IMPA1: variants seen among roughly 807,000 people sequenced by gnomAD.
The protein encoded by IMPA1 is inositol monophosphatase 1.
A neutral mutation model predicts 34.9 loss-of-function variants in IMPA1; 21 were observed. That is an observed-to-expected ratio of 0.60 (90% CI 0.43 to 0.87). IMPA1 has a LOEUF of 0.87. IMPA1 is among the 40% of genes least tolerant of loss of function. IMPA1 has a pLI of 0.00. For missense variants in IMPA1, 299 were observed against 336.4 expected, an observed-to-expected ratio of 0.89 and a Z score of 0.87; for synonymous variants, 95 against 104.4, an observed-to-expected ratio of 0.91 and a Z score of 0.55.
chr8:81,680,174 C>T (rs1391565111), intron 3 of IMPA1, among the ~76,000 whole-genome samples: 1 of 151,962 alleles, frequency 6.6e-6, no homozygotes, highest in Non-Finnish European at 1.5e-5. Context: ...TACTCTCCGT[C>T]CTTCAAGAGG....
chr8:81,673,499 C>G (rs575930856), intron 6 of IMPA1, among the ~76,000 whole-genome samples: 1 of 152,294 alleles, frequency 6.6e-6, no homozygotes, highest in Admixed American at 6.5e-5. Flanking sequence ...TCGTCAGGAC[C>G]TCCTGAGGCT....
intron 7 of IMPA1, among the ~76,000 whole-genome samples, chr8:81,662,989 G>A (rs905833031): frequency 3.9e-5 from 6 of 152,188 alleles, no homozygotes; most frequent in African/African-American, 1.4e-4. Context: ...ACTCTCTTTA[G>A]TTTCATTGTT....
At position 81,658,140 on chromosome 8, in the gene IMPA1, A is replaced by G. The variant is rs1248279632; in HGVS notation, c.*1211T>C. On this transcript the variant is annotated 3_prime_UTR_variant, in exon 9 of 9. Transcript: ENST00000256108. ...ATACACAATAATAAAATCACTCCCT[A>G]CCTTGAAAACTTTACAGAAGCATTT... is the stretch of plus-strand genomic sequence containing the variant. The G allele has an allele frequency of 6.6e-6, 1 of 152,128 alleles. No homozygotes were observed. The highest frequency in any genetic ancestry group is 1.5e-5 in the Non-Finnish European group (1 of 68,020). The allele number at this position is 152,128 out of a possible 1,614,324, so 9.4% of individuals were successfully genotyped here. A position where few individuals can be genotyped will look rare whatever the true frequency, so the allele number is the denominator to read the frequency against.
intron 4 of IMPA1, 78 bp from the exon 5 acceptor site, chr8:81,676,357 T>G (rs2130301339): frequency 1.5e-6 from 1 of 665,752 alleles, no homozygotes; most frequent in East Asian, 3.2e-5. Context: ...TTTCATAATA[T>G]AAGTGTTCTT....
At chr8:81,674,987 C>G (rs1466678326) in intron 5 of IMPA1, among the ~76,000 whole-genome samples, 2 of 152,204 alleles carry the variant, frequency 1.3e-5, no homozygotes, top group African/African-American at 2.4e-5. Flanking sequence ...CACCCACACC[C>G]CAGTATAATC....
intron 1 of IMPA1, among the ~76,000 whole-genome samples, chr8:81,685,198 T>C (rs993798030): frequency 6.6e-5 from 9 of 135,650 alleles, no homozygotes; most frequent in Admixed American, 3.1e-4. Context: ...TACATAAGTA[T>C]ATTTAGATAC....
intron 1 of IMPA1, chr8:81,685,939 T>TG: frequency 6.5e-7 from 1 of 1,527,812 alleles, no homozygotes; most frequent in Non-Finnish European, 8.8e-7. Context: ...TACCTGGGCC[T>TG]GGGGATGCAC....
chr8:81,667,186 T>C (rs1443840897), intron 7 of IMPA1, among the ~76,000 whole-genome samples: 5 of 152,014 alleles, frequency 3.3e-5, no homozygotes, highest in African/African-American at 1.2e-4. Context: ...ACCCTGGAAA[T>C]AGGGAATTAT....
chr8:81,661,703 TA>T (rs766497852), intron 7 of IMPA1, among the ~76,000 whole-genome samples: 43 of 152,264 alleles, frequency 2.8e-4, no homozygotes, highest in Non-Finnish European at 3.8e-4. Flanking sequence ...AAAATTTGAA[TA>T]AAGTCTTATA....
chr8:81,685,507 G>C lies in IMPA1; in HGVS notation c.-25+745C>G, dbSNP rs377100728. Among the ~76,000 whole-genome samples, 12 of 142,098 alleles carry C rather than the reference G, an allele frequency of 8.4e-5. No individual in the cohort carries two copies. In the South Asian group the frequency reaches 8.7e-4, roughly 10 times the overall value. The allele number at this position is 142,098 out of a possible 152,430, so 93.2% of individuals were successfully genotyped here. On this transcript the variant is annotated intron_variant, in intron 1 of 8. Transcript: ENST00000256108. ...CTGTACTATATATAAGTATATATAC[G>C]TAAGTATATTTCTGTACTATATATA...
At position 81,658,423 on chromosome 8, in the gene IMPA1, T is replaced by G. The variant is rs990829857; in HGVS notation, c.*928A>C. The stretch of plus-strand genomic sequence containing the variant: ...GTTCAATATTAACAATACAGTATAT[T>G]TGCCAGCACAATCAAATCAGTATAA... On this transcript the variant is annotated 3_prime_UTR_variant, in exon 9 of 9. Transcript: ENST00000256108. 1.3e-5 allele frequency: 2 copies of G among 152,220 alleles called. No homozygotes were observed. Among genetic ancestry groups the G allele is most frequent in the African/African-American group, 4.8e-5 (2 of 41,436 alleles). 9.4% of individuals were successfully genotyped at this position (152,220 alleles called of 1,614,324 possible). A position where few individuals can be genotyped will look rare whatever the true frequency, so the allele number is the denominator to read the frequency against.
intron 7 of IMPA1, among the ~76,000 whole-genome samples, chr8:81,667,515 G>A (rs1055117630): frequency 2.6e-5 from 4 of 152,024 alleles, no homozygotes; most frequent in African/African-American, 4.8e-5. Flanking sequence ...AAACAGAAGC[G>A]GCTTTGAAAT....
rs1349923813 is a variant in IMPA1 at position 81,658,121 on chromosome 8, A to C, written c.*1230T>G. The C allele has an allele frequency of 1.3e-5, 2 of 151,822 alleles. No individual in the cohort carries two copies. Among genetic ancestry groups the C allele is most frequent in the African/African-American group, 4.9e-5 (2 of 41,114 alleles). The allele number at this position is 151,822 out of a possible 1,614,324, so 9.4% of individuals were successfully genotyped here. ...CATACTTAATATATTAGATATACAC[A>C]ATAATAAAATCACTCCCTACCTTGA... On this transcript the variant is annotated 3_prime_UTR_variant, in exon 9 of 9. Transcript: ENST00000256108.
At chr8:81,667,838 T>C (rs1228982359) in intron 7 of IMPA1, among the ~76,000 whole-genome samples, 1 of 151,774 alleles carries the variant, frequency 6.6e-6, no homozygotes, top group Non-Finnish European at 1.5e-5. Flanking sequence ...TTTTTTTTTT[T>C]TTTGAGATGG....
intron 7 of IMPA1, among the ~76,000 whole-genome samples, chr8:81,665,167 C>T (rs966760810): frequency 6.6e-5 from 10 of 152,202 alleles, no homozygotes; most frequent in Admixed American, 1.3e-4. Context: ...AAAGTCTCTC[C>T]CCCAAAACCA....
chr8:81,685,209 T>C (rs1025325410), intron 1 of IMPA1, among the ~76,000 whole-genome samples: 5 of 135,080 alleles, frequency 3.7e-5, no homozygotes, highest in African/African-American at 1.1e-4. Context: ...ATTTAGATAC[T>C]ATATATACTA....
intron 1 of IMPA1, among the ~76,000 whole-genome samples, chr8:81,685,072 A>AC (rs1807460194): frequency 7.5e-6 from 1 of 134,094 alleles, no homozygotes; most frequent in Non-Finnish European, 1.5e-5. Context: ...ATATTTAGAT[A>AC]TATATACTAT....
chr8:81,665,625 T>C (rs1317819908), intron 7 of IMPA1, among the ~76,000 whole-genome samples: 2 of 152,022 alleles, frequency 1.3e-5, no homozygotes, highest in Non-Finnish European at 2.9e-5. Flanking sequence ...ACCTATATAC[T>C]GAAACACACG....
At chr8:81,685,895 A>C in intron 1 of IMPA1, 1 of 1,546,426 alleles carries the variant, frequency 6.5e-7, no homozygotes, top group Non-Finnish European at 8.7e-7. Flanking sequence ...CGGGCAGCAC[A>C]GGACCTGGGC....
Sources: gnomAD v4.1 joint callset for allele counts (sites outside exome capture counted in the v4.1 genomes callset) on GRCh38, gnomAD v4.1.1 for gene constraint, MANE v1.5 for transcripts, NCBI Gene and HGNC (gene_info 2026-07-23, HGNC 2026-07-21) for gene names.